Variants in LAMA1 observed in about 807,000 individuals in gnomAD.
LAMA1 encodes the protein laminin subunit alpha 1, also known as laminin subunit alpha-1.
Under a neutral mutation model 348.7 loss-of-function variants are expected in LAMA1, and 219 were observed. That is an observed-to-expected ratio of 0.63 (90% CI 0.56 to 0.70). The LOEUF (loss-of-function observed/expected upper bound fraction) is 0.70. Among genes scored for constraint, LAMA1 ranks in the 30% least tolerant of loss-of-function variants. LAMA1 has a pLI of 0.00. For synonymous variants in LAMA1, 1,487 were observed against 1,491.0 expected (o/e 1.00, Z 0.06); for missense variants, 3,744 against 3,888.0 (o/e 0.96, Z 0.99).
chr18:7,026,887 C>T (rs906679853), intron 16 of LAMA1, among the ~76,000 whole-genome samples: 7 of 151,808 alleles, frequency 4.6e-5, no homozygotes, highest in Non-Finnish European at 1.0e-4. Context: ...GTCCCAGCTA[C>T]CTGGGAGGCT....
rs116750058 is a variant in LAMA1, at chr18:7,072,528, C to T, written c.345+7447G>A. 4.6e-3 allele frequency among the ~76,000 whole-genome samples: 700 copies of T among 152,298 alleles called. 10 individuals carry two copies. The highest frequency in any genetic ancestry group is 0.016 in the African/African-American group (674 of 41,576). ...AAGCTGGTGCCCTGATGCAGTCTCT[C>T]GGCTGAGAACCAAGAATACCTAGTT... On this transcript the variant is annotated intron_variant, in intron 3 of 62. Transcript: ENST00000389658.
chr18:7,041,890 G>A (rs2058021987), intron 9 of LAMA1, among the ~76,000 whole-genome samples: 1 of 151,956 alleles, frequency 6.6e-6, no homozygotes, highest in African/African-American at 2.4e-5. Flanking sequence ...ACTACCTCTC[G>A]ACCTGGCATT....
At chr18:6,994,662 T>C (rs2057772799) in intron 34 of LAMA1, among the ~76,000 whole-genome samples, 1 of 148,660 alleles carries the variant, frequency 6.7e-6, no homozygotes. Flanking sequence ...AGATACACCA[T>C]CACAGTACAG....
At chr18:7,056,989 A>G (rs1295918394) in intron 3 of LAMA1, among the ~76,000 whole-genome samples, 1 of 151,616 alleles carries the variant, frequency 6.6e-6, no homozygotes, top group Non-Finnish European at 1.5e-5. Flanking sequence ...CTCCTGCCTC[A>G]GCCTCCGGAG....
At chr18:7,028,670 G>T (rs2057955032) in intron 16 of LAMA1, among the ~76,000 whole-genome samples, 1 of 152,204 alleles carries the variant, frequency 6.6e-6, no homozygotes. Flanking sequence ...AGCGAATGAA[G>T]AGCACTGGAA....
At chr18:7,001,454 A>G (rs1357997713) in intron 30 of LAMA1, among the ~76,000 whole-genome samples, 1 of 152,212 alleles carries the variant, frequency 6.6e-6, no homozygotes, top group Non-Finnish European at 1.5e-5. Context: ...AATATAAAAA[A>G]TAAGCACTAG....
At chr18:7,034,717 T>C (rs748341342) in intron 13 of LAMA1, 27 bp from the exon 14 acceptor site, 12 of 1,577,708 alleles carry the variant, frequency 7.6e-6, no homozygotes, top group Admixed American at 1.7e-5. Context: ...AGAGAAAATA[T>C]ATTTGTCATT....
Position 6,992,568 on chromosome 18 carries a change from C to T in LAMA1, c.5161G>A (p.Glu1721Lys). ...CAGTAATTAGAAACTTACTTGAGTTCAAGGGTGGCATTTTGGTGCAACTGT... is the reference window on the plus strand; with the variant it reads ...CAGTAATTAGAAACTTACTTGAGTTTAAGGGTGGCATTTTGGTGCAACTGT... ...FTQLHQNATL[E>K]LKAAEDLLSQ... The change falls in exon 36 of 63, where the codon GAA (glutamate) becomes AAA (lysine). Residue 1721 changes from glutamate (E) to lysine (K), a missense_variant. Physicochemically the swap from Glu to Lys is moderately conservative, Grantham distance 56 (BLOSUM62 1). Transcript: ENST00000389658. The T allele has an allele frequency of 6.2e-7, 1 of 1,614,148 alleles. No homozygotes were observed. Among genetic ancestry groups the T allele is most frequent in the Non-Finnish European group, 8.5e-7 (1 of 1,180,016 alleles).
chr18:7,008,603 G>C lies in LAMA1; in HGVS notation c.4007C>G (p.Ser1336Ter). The stretch of plus-strand genomic sequence containing the variant: ...TCTGCCAACCTCCATTGAAATGTCT[G>C]AGATTCTGTGCAGCCATCATGTTAA... The part of the protein sequence containing the change: ...YGQGLQQSRI[S>*]DISMEVGRKA... Residue 1336 changes from serine (S) to a stop codon, truncating the protein, a stop_gained, in exon 28 of 63, where the codon TCA becomes TGA. Coordinates refer to ENST00000389658, the MANE Select transcript of LAMA1 (RefSeq NM_005559.4). LOFTEE classifies it high-confidence loss of function. The C allele has an allele frequency of 6.2e-7, 1 of 1,613,932 alleles. No homozygotes were observed.
intron 3 of LAMA1, among the ~76,000 whole-genome samples, chr18:7,055,453 CAAAAAAAAAAAAA>C (rs57670126): frequency 1.3e-4 from 8 of 61,748 alleles, no homozygotes; most frequent in African/African-American, 4.0e-4. Flanking sequence ...AACTCCGTCT[CAAAAAAAAAAAAA>C]AAAAAAAAAA....
intron 57 of LAMA1, 54 bp downstream of exon 57, chr18:6,955,299 C>T: frequency 7.5e-7 from 1 of 1,335,022 alleles, no homozygotes; most frequent in Admixed American, 1.9e-5. Flanking sequence ...CTGCAGAACA[C>T]CCCCATACAT....
In LAMA1 at chr18:7,046,340, C is replaced by A. The variant is rs929146213; in HGVS notation, c.796G>T (p.Val266Phe). Residue 266 changes from valine (V) to phenylalanine (F), a missense_variant, in exon 6 of 63, where the codon GTT (valine) becomes TTT (phenylalanine). Around this residue, in one of 3 missense-constraint regions of LAMA1, gnomAD observed 1,529 missense variants for 1,689.4 expected, o/e 0.91. Transcript: ENST00000389658. ...CCATAGCAGATACACATGCCTCCAA[C>A]AGAAATGTCCTTTATTGAATAATAA... Reference protein sequence around the residue: ...RYYYSIKDISVGGMCICYGHA... With the variant: ...RYYYSIKDISFGGMCICYGHA... 6.2e-7 allele frequency: 1 copy of A among 1,608,354 alleles called. No homozygotes were observed. Among genetic ancestry groups the A allele is most frequent in the Admixed American group, 1.7e-5 (1 of 59,648 alleles).
intron 1 of LAMA1, among the ~76,000 whole-genome samples, chr18:7,100,058 CAAAAA>C (rs3038921): frequency 4.9e-4 from 39 of 79,702 alleles, no homozygotes; most frequent in African/African-American, 1.8e-3. Flanking sequence ...GACTTTGTCT[CAAAAA>C]AAAAAAAAAA....
chr18:7,048,360 G>A (rs572412167), intron 5 of LAMA1, among the ~76,000 whole-genome samples: 6 of 152,150 alleles, frequency 3.9e-5, no homozygotes, highest in Non-Finnish European at 7.3e-5. Flanking sequence ...AGTGTGTAGT[G>A]CAGCCAGAAC....
chr18:6,980,484 A>C (rs1445084001), intron 42 of LAMA1, 37 bp downstream of exon 42: 2 of 1,204,294 alleles, frequency 1.7e-6, no homozygotes, highest in Non-Finnish European at 2.5e-6. Flanking sequence ...TTACAATGAG[A>C]AGACGTTATT....
Position 6,986,243 on chromosome 18 carries a change from T to C in LAMA1, c.5273A>G (p.Asn1758Ser), listed in dbSNP as rs767562688. ...EAASHVLSKH[N>S]NELKAAEALV... ...CGCCTCAGCCGCCTTTAGTTCATTG[T>C]TGTGCTTTGAAAGGACGTGGCTTGC... The change falls in exon 37 of 63, where the codon AAC becomes AGC. Residue 1758 changes from asparagine (N) to serine (S), a missense_variant. Around this residue, in one of 3 missense-constraint regions of LAMA1, gnomAD observed 1,983 missense variants for 1,934.3 expected, o/e 1.03. Transcript: ENST00000389658. 11 of 1,614,126 alleles carry C rather than the reference T, an allele frequency of 6.8e-6. No individual in the cohort carries two copies. The highest frequency in any genetic ancestry group is 1.7e-5 in the Admixed American group (1 of 60,000).
Position 6,972,079 on chromosome 18 carries a change from T to G in LAMA1, c.6775-98A>C, listed in dbSNP as rs897317119. On this transcript the variant is annotated intron_variant, in intron 47 of 62. Transcript: ENST00000389658. ...AAACTTCTCTCTGGGAGCTTCAATC[T>G]AACAGATCCAAATTTTGAGAGAGCC... The G allele has an allele frequency of 1.1e-5, 16 of 1,445,450 alleles. No individual in the cohort carries two copies. In the South Asian group the frequency reaches 1.7e-4, roughly 16 times the overall value. The allele number at this position is 1,445,450 out of a possible 1,614,324, so 89.5% of individuals were successfully genotyped here.
intron 1 of LAMA1, among the ~76,000 whole-genome samples, chr18:7,092,389 G>T (rs1020887555): frequency 1.3e-5 from 2 of 152,154 alleles, no homozygotes; most frequent in Non-Finnish European, 2.9e-5. Context: ...ACTTTGGGAG[G>T]CCGAGGCAGG....
At chr18:7,016,817 A>T (rs1338141894) in intron 20 of LAMA1, 146 bp from the exon 21 acceptor site, 1 of 774,494 alleles carries the variant, frequency 1.3e-6, no homozygotes, top group Non-Finnish European at 2.0e-6. Context: ...TATAGCAAAC[A>T]TCCACTCTCT....
Sources: allele counts gnomAD v4.1 joint callset (sites outside exome capture counted in the v4.1 genomes callset), GRCh38; gene constraint gnomAD v4.1.1; regional missense constraint gnomAD v4.1.1; transcripts MANE v1.5; gene names NCBI Gene and HGNC (gene_info 2026-07-23, HGNC 2026-07-21).